The following SNX18 variants were observed in gnomAD, a reference collection of about 807,000 sequenced individuals.
SNX18 encodes sorting nexin-18.
A neutral mutation model predicts 48.7 loss-of-function variants in SNX18; 35 were observed. The ratio of observed to expected loss-of-function variants is 0.72; its 90% CI spans 0.55 to 0.95. SNX18 has a LOEUF of 0.95. SNX18 is among the 40% of genes least tolerant of loss of function. The pLI, the probability that SNX18 is intolerant of heterozygous loss-of-function variation, is 0.00. For missense variants in SNX18, 824 were observed against 871.0 expected (o/e 0.95, Z 0.68); for synonymous variants, 492 against 384.7 (o/e 1.28, Z -3.26).
At chr5:54,590,590 C>G in the SNX18 span, among the ~76,000 whole-genome samples, 25 of 152,290 alleles carry the variant, frequency 1.6e-4, no homozygotes, top group South Asian at 5.0e-3. Context: ...CTACTTATAC[C>G]TGACTAGCTC....
Position 54,519,015 on chromosome 5 carries a change from G to A in SNX18, c.1063G>A (p.Gly355Ser), listed in dbSNP as rs2112833001. 1.2e-6 allele frequency: 2 copies of A among 1,613,346 alleles called. No homozygotes were observed. The highest frequency in any genetic ancestry group is 8.5e-7 in the Non-Finnish European group (1 of 1,179,650). The change falls in exon 1 of 2, where the codon GGC becomes AGC. Residue 355 changes from glycine to serine, a missense_variant. Physicochemically the swap from Gly to Ser is moderately conservative, Grantham distance 56. Around this residue, in one of 3 missense-constraint regions of SNX18, gnomAD observed 443 missense variants for 503.6 expected, o/e 0.88. Transcript: ENST00000381410. ...GGACTTCATCTCTAAGCGCAGGAAGGGCCTGATCTGGTGGATGAACCACAT... is the reference window on the plus strand; with the variant it reads ...GGACTTCATCTCTAAGCGCAGGAAGAGCCTGATCTGGTGGATGAACCACAT... ...EEDFISKRRK[G>S]LIWWMNHMAS...
At chr5:54,521,436 C>T (rs1254721114) in intron 1 of SNX18, among the ~76,000 whole-genome samples, 2 of 152,186 alleles carry the variant, frequency 1.3e-5, no homozygotes, top group African/African-American at 4.8e-5. Context: ...GCCAGGGTCA[C>T]GCCTGTAATC....
chr5:54,595,776 G>A, the SNX18 span, among the ~76,000 whole-genome samples: 4 of 152,152 alleles, frequency 2.6e-5, no homozygotes, highest in Non-Finnish European at 5.9e-5. Context: ...CACAATTTTG[G>A]AGGCCAAAAG....
chr5:54,617,991 G>T, the SNX18 span, among the ~76,000 whole-genome samples: 3 of 152,134 alleles, frequency 2.0e-5, no homozygotes, highest in Non-Finnish European at 4.4e-5. Flanking sequence ...GCATTCCAGG[G>T]TGACATAGTT....
At chr5:54,578,314 C>A in the SNX18 span, among the ~76,000 whole-genome samples, 1 of 152,194 alleles carries the variant, frequency 6.6e-6, no homozygotes, top group Non-Finnish European at 1.5e-5. Flanking sequence ...AGGCATTCTC[C>A]CTTTGTGTGA....
the SNX18 span, among the ~76,000 whole-genome samples, chr5:54,560,062 G>A: frequency 2.7e-4 from 41 of 152,312 alleles, no homozygotes; most frequent in African/African-American, 9.4e-4. Context: ...GTGAAAGACA[G>A]TGTGGCGATT....
At chr5:54,612,177 G>T in the SNX18 span, among the ~76,000 whole-genome samples, 2 of 152,090 alleles carry the variant, frequency 1.3e-5, no homozygotes, top group Non-Finnish European at 2.9e-5. Flanking sequence ...TCCTAATAAG[G>T]ACCATTCAAG....
the SNX18 span, among the ~76,000 whole-genome samples, chr5:54,577,625 G>C: frequency 0.24 from 37,161 of 152,098 alleles, 5,010 homozygotes; most frequent in East Asian, 0.39. Flanking sequence ...CCAGCCACAT[G>C]AAGATGAACA....
chr5:54,568,845 T>C, the SNX18 span, among the ~76,000 whole-genome samples: 1 of 143,196 alleles, frequency 7.0e-6, no homozygotes, highest in Non-Finnish European at 1.5e-5. Flanking sequence ...TTTTTTTTTT[T>C]TTTTTTTTTT....
chr5:54,634,993 C>G, the SNX18 span, among the ~76,000 whole-genome samples: 1 of 151,902 alleles, frequency 6.6e-6, no homozygotes, highest in Non-Finnish European at 1.5e-5. Context: ...AATTTTAAAG[C>G]AGCCGGAAAA....
At chr5:54,521,579 TA>T (rs141991639) in intron 1 of SNX18, among the ~76,000 whole-genome samples, 5,571 of 152,168 alleles carry the variant, frequency 0.037, 176 homozygotes, top group Non-Finnish European at 0.048. Flanking sequence ...CTCATACCTA[TA>T]GTCCTAGCTA....
the SNX18 span, among the ~76,000 whole-genome samples, chr5:54,631,389 C>T: frequency 6.6e-6 from 1 of 152,218 alleles, no homozygotes; most frequent in African/African-American, 2.4e-5. Context: ...GCTATTGTTT[C>T]AGCAGATGTT....
At chr5:54,618,971 T>A in the SNX18 span, among the ~76,000 whole-genome samples, 1 of 148,878 alleles carries the variant, frequency 6.7e-6, no homozygotes, top group African/African-American at 2.5e-5. Context: ...CCTTTTTAAC[T>A]CTAAAAAAGC....
rs1328643243 is a variant in SNX18 at position 54,544,627 on chromosome 5, A to C, written c.*1195A>C. ...ACTATGTTTTAAAAAAAAAAAAGGT[A>C]TTGATGAGCCCCCCCCCCCCAGGAC... On this transcript the variant is annotated 3_prime_UTR_variant, in exon 2 of 2. Coordinates refer to ENST00000381410, the MANE Select transcript of SNX18 (RefSeq NM_001102575.2). The C allele has an allele frequency of 1.3e-5, 1 of 76,784 alleles. No homozygotes were observed. The highest frequency in any genetic ancestry group is 4.6e-4 in the South Asian group (1 of 2,184). The allele number at this position is 76,784 out of a possible 1,614,324, so 4.8% of individuals were successfully genotyped here.
Position 54,518,728 on chromosome 5 carries a change from G to A in SNX18, c.776G>A (p.Cys259Tyr). Residue 259 changes from cysteine to tyrosine, a missense_variant, in exon 1 of 2, where the codon TGC becomes TAC. By Grantham distance (194) the Cys-to-Tyr change is radical (BLOSUM62 -2). Transcript: ENST00000381410. ...TTCGTGAAGGACGGGGACAAGCTGT[G>A]CGTGGTGCTGGGGCCCTATGGCCCC... is the stretch of plus-strand genomic sequence containing the variant. ...SGFVKDGDKLCVVLGPYGPEW... is the reference protein window; with the variant it reads ...SGFVKDGDKLYVVLGPYGPEW... 1 of 1,603,200 alleles carries A rather than the reference G, an allele frequency of 6.2e-7. No homozygotes were observed. The highest frequency in any genetic ancestry group is 1.1e-5 in the South Asian group (1 of 89,758).
At chr5:54,587,559 G>T in the SNX18 span, among the ~76,000 whole-genome samples, 1 of 152,202 alleles carries the variant, frequency 6.6e-6, no homozygotes, top group African/African-American at 2.4e-5. Flanking sequence ...TTCTCTCCGT[G>T]GTGCCCAATT....
chr5:54,640,246 T>G, the SNX18 span, among the ~76,000 whole-genome samples: 2 of 150,940 alleles, frequency 1.3e-5, no homozygotes, highest in African/African-American at 4.9e-5. Context: ...AAGGTTTCAC[T>G]CTCATCACCC....
the SNX18 span, among the ~76,000 whole-genome samples, chr5:54,627,941 T>C: frequency 1.3e-5 from 2 of 152,178 alleles, no homozygotes; most frequent in Non-Finnish European, 2.9e-5. Context: ...TGGAGCCTTA[T>C]TGCAGATTTC....
the SNX18 span, among the ~76,000 whole-genome samples, chr5:54,599,999 A>G: frequency 6.6e-6 from 1 of 152,240 alleles, no homozygotes; most frequent in East Asian, 1.9e-4. Flanking sequence ...GTCTAATTAA[A>G]CTAAAGAATT....
Sources: allele counts gnomAD v4.1 joint callset (sites outside exome capture counted in the v4.1 genomes callset), GRCh38; gene constraint gnomAD v4.1.1; regional missense constraint gnomAD v4.1.1; transcripts MANE v1.5; gene names NCBI Gene and HGNC (gene_info 2026-07-23, HGNC 2026-07-21).